Variants in TSNARE1 observed in about 807,000 individuals in gnomAD.
TSNARE1 encodes t-SNARE domain containing 1, also known as t-SNARE domain-containing protein 1.
TSNARE1 carries 49 observed loss-of-function variants against 62.0 expected under a neutral mutation model. The observed-to-expected ratio is 0.79, with a 90% CI of 0.63 to 1.00. The LOEUF (loss-of-function observed/expected upper bound fraction) is 1.00, where lower values mean the gene tolerates loss of function less well. TSNARE1 is among the 50% of genes least tolerant of loss of function. The pLI is 0.00. For missense variants in TSNARE1, 755 were observed against 700.1 expected, an observed-to-expected ratio of 1.08 and a Z score of -0.88; for synonymous variants, 328 against 294.4, an observed-to-expected ratio of 1.11 and a Z score of -1.17.
chr8:142,365,745 T>C (rs935699571), intron 1 of TSNARE1, among the ~76,000 whole-genome samples: 1 of 152,200 alleles, frequency 6.6e-6, no homozygotes, highest in African/African-American at 2.4e-5. Context: ...CAACTTTTCT[T>C]TAAAACTAAA....
intron 1 of TSNARE1, among the ~76,000 whole-genome samples, chr8:142,382,513 G>C (rs1475163579): frequency 6.6e-6 from 1 of 152,170 alleles, no homozygotes; most frequent in Non-Finnish European, 1.5e-5. Flanking sequence ...TGCGGGCAGG[G>C]GGCAGGGAGC....
intron 7 of TSNARE1, 64 bp from the exon 8 acceptor site, chr8:142,315,156 C>T: frequency 6.6e-7 from 1 of 1,524,862 alleles, no homozygotes; most frequent in African/African-American, 1.4e-5. Context: ...GCCCCCACCA[C>T]CCACACCTCC....
intron 11 of TSNARE1, among the ~76,000 whole-genome samples, chr8:142,282,270 C>T (rs1587005439): frequency 6.6e-6 from 1 of 152,258 alleles, no homozygotes; most frequent in South Asian, 2.1e-4. Flanking sequence ...CTCTACATCT[C>T]TGCAACCTCA....
intron 12 of TSNARE1, among the ~76,000 whole-genome samples, chr8:142,257,525 C>G (rs1005543786): frequency 6.6e-6 from 1 of 152,158 alleles, no homozygotes; most frequent in African/African-American, 2.4e-5. Context: ...CCCACCACTC[C>G]CCTCTGCTTC....
In TSNARE1 at chr8:142,319,728, G is replaced by T. The variant is rs956659765; in HGVS notation, c.894-1094C>A. ...CTGCAGGCCAAGCCTACAGGAGCGG[G>T]GCCCACCTCCTGATACCCACCCTGG... On this transcript the variant is annotated intron_variant, in intron 6 of 13. Coordinates refer to ENST00000524325, the MANE Select transcript of TSNARE1 (RefSeq NM_145003.5). The surrounding 1 kb of genome is among the most constrained non-coding windows in gnomAD (Gnocchi z 4.9). 1.3e-5 allele frequency among the ~76,000 whole-genome samples: 2 copies of T among 152,134 alleles called. No homozygotes were observed. The highest frequency in any genetic ancestry group is 4.8e-5 in the African/African-American group (2 of 41,444).
At chr8:142,225,842 C>T (rs920428997) in intron 13 of TSNARE1, among the ~76,000 whole-genome samples, 10 of 152,242 alleles carry the variant, frequency 6.6e-5, no homozygotes, top group African/African-American at 2.4e-4. Context: ...CATGTGTTCT[C>T]TCATAGCCCG....
chr8:142,349,727 A>C (rs1240504207), intron 2 of TSNARE1, among the ~76,000 whole-genome samples: 6 of 152,256 alleles, frequency 3.9e-5, no homozygotes, highest in Admixed American at 3.9e-4. Flanking sequence ...ACTGGCCCTC[A>C]GCGGCCCTGC....
At chr8:142,216,123 C>T (rs776714432) in intron 13 of TSNARE1, among the ~76,000 whole-genome samples, 9 of 152,164 alleles carry the variant, frequency 5.9e-5, no homozygotes, top group African/African-American at 1.4e-4. Flanking sequence ...CACTCCCTGC[C>T]GCCCCTCAGC....
intron 4 of TSNARE1, among the ~76,000 whole-genome samples, chr8:142,333,295 G>A (rs931951139): frequency 3.3e-5 from 5 of 152,236 alleles, no homozygotes; most frequent in Non-Finnish European, 5.9e-5. Context: ...GCTCCGAAAC[G>A]CATGCAGGTG....
intron 12 of TSNARE1, among the ~76,000 whole-genome samples, chr8:142,249,095 C>T (rs1486866896): frequency 6.6e-6 from 1 of 152,238 alleles, no homozygotes; most frequent in Non-Finnish European, 1.5e-5. Context: ...CCCGCCAGAC[C>T]GCACACAGCA....
At chr8:142,340,143 AG>A (rs1414045197) in intron 4 of TSNARE1, among the ~76,000 whole-genome samples, 6 of 152,206 alleles carry the variant, frequency 3.9e-5, no homozygotes, top group Non-Finnish European at 7.4e-5. Context: ...GCTGGGGCGC[AG>A]GGGTGGTGCT....
Position 142,330,977 on chromosome 8 carries a change from G to A in TSNARE1, c.824-7C>T, listed in dbSNP as rs186962953. 272 of 1,613,708 alleles carry A rather than the reference G, an allele frequency of 1.7e-4. No individual in the cohort carries two copies. The highest frequency in any genetic ancestry group is 8.3e-4 in the Middle Eastern group (5 of 6,060). On this transcript the variant is annotated splice_polypyrimidine_tract_variant and splice_region_variant and intron_variant, in intron 5 of 13. Transcript: ENST00000524325. Reference sequence around the variant, plus strand: ...CTCCGCTCCAAGGAGGTCACTGCCCGAGAGAAGAGGGACAGGGTGAGGGCA... The same window carrying A: ...CTCCGCTCCAAGGAGGTCACTGCCCAAGAGAAGAGGGACAGGGTGAGGGCA...
rs1563808002 is a variant in TSNARE1 at position 142,276,777 on chromosome 8, T to C, written c.1364-1914A>G. The C allele has an allele frequency of 4.1e-6, 4 of 985,398 alleles. No individual in the cohort carries two copies. The South Asian group carries it at 1.4e-4, about 35-fold the overall frequency. 61.0% of individuals were successfully genotyped at this position (985,398 alleles called of 1,614,324 possible). A position where few individuals can be genotyped will look rare whatever the true frequency, so the allele number is the denominator to read the frequency against. ...ACCCTCAGAATGGGGACTGATGTCC[T>C]GCTGCTCCAGGGCTGCATGCACCGG... On this transcript the variant is annotated intron_variant, in intron 11 of 13. Coordinates refer to ENST00000524325, the MANE Select transcript of TSNARE1 (RefSeq NM_145003.5).
At chr8:142,363,099 A>G (rs993270707) in intron 1 of TSNARE1, among the ~76,000 whole-genome samples, 2 of 152,292 alleles carry the variant, frequency 1.3e-5, no homozygotes, top group African/African-American at 4.8e-5. Context: ...CCAGCACGGA[A>G]GAGGATCTTC....
intron 1 of TSNARE1, among the ~76,000 whole-genome samples, chr8:142,366,595 C>A (rs181797504): frequency 6.6e-6 from 1 of 152,108 alleles, no homozygotes; most frequent in East Asian, 1.9e-4. Context: ...CAGAGTTGAA[C>A]GCTCATTCCT....
intron 6 of TSNARE1, among the ~76,000 whole-genome samples, chr8:142,321,580 G>GA (rs1411279064): frequency 6.6e-6 from 1 of 152,012 alleles, no homozygotes; most frequent in South Asian, 2.1e-4. Flanking sequence ...GGTCAAGAGG[G>GA]AAAAAAACCA....
At chr8:142,259,436 C>G (rs1586882117) in intron 12 of TSNARE1, among the ~76,000 whole-genome samples, 1 of 152,326 alleles carries the variant, frequency 6.6e-6, no homozygotes, top group East Asian at 1.9e-4. Flanking sequence ...CCCTGCCCCC[C>G]ATACCCCTAC....
Position 142,284,603 on chromosome 8 carries a change from C to T in TSNARE1, c.1291-118G>A, listed in dbSNP as rs1282941883. Reference sequence around the variant, plus strand: ...CAGGTGGCACCTGCAGAATCAGGAACCAGAGAACAGCTGGGGACCGGCTGG... The same window carrying T: ...CAGGTGGCACCTGCAGAATCAGGAATCAGAGAACAGCTGGGGACCGGCTGG... On this transcript the variant is annotated intron_variant, in intron 10 of 13. Transcript: ENST00000524325. The T allele has an allele frequency of 1.4e-5, 11 of 778,146 alleles. No individual in the cohort carries two copies. The East Asian group carries it at 2.2e-4, about 16-fold the overall frequency. The allele number at this position is 778,146 out of a possible 1,614,324, so 48.2% of individuals were successfully genotyped here. A position where few individuals can be genotyped will look rare whatever the true frequency, so the allele number is the denominator to read the frequency against.
At chr8:142,361,629 G>A (rs1835172210) in intron 1 of TSNARE1, among the ~76,000 whole-genome samples, 1 of 152,214 alleles carries the variant, frequency 6.6e-6, no homozygotes, top group Admixed American at 6.5e-5. Flanking sequence ...CTGTCCCCTG[G>A]GGAAAAACAT....
Sources: allele counts gnomAD v4.1 joint callset (sites outside exome capture counted in the v4.1 genomes callset), GRCh38; gene constraint gnomAD v4.1.1; non-coding constraint Gnocchi (gnomAD v3.1); transcripts MANE v1.5; gene names NCBI Gene and HGNC (gene_info 2026-07-23, HGNC 2026-07-21).